FBXO48: variants seen among roughly 807,000 people sequenced by gnomAD.
FBXO48 encodes the protein F-box only protein 48.
In FBXO48, 12 loss-of-function variants were observed where a neutral mutation model predicts 14.3. That is an observed-to-expected ratio of 0.84 (90% CI 0.54 to 1.36). The LOEUF (loss-of-function observed/expected upper bound fraction) is 1.36. Among genes scored for constraint, FBXO48 ranks in the 40% most tolerant of loss-of-function variants. FBXO48 has a pLI of 0.00. For missense variants in FBXO48, 177 were observed against 179.1 expected (o/e 0.99, Z 0.07); for synonymous variants, 53 against 61.7 (o/e 0.86, Z 0.66).
chr2:68,465,285 C>T, intron 2 of FBXO48, 107 bp from the exon 3 acceptor site: 2 of 643,212 alleles, frequency 3.1e-6, no homozygotes, highest in Non-Finnish European at 5.3e-6. Flanking sequence ...TTGACTTTAG[C>T]TTCTCAATCT....
chr2:68,464,562 G>A (rs1338978939), intron 3 of FBXO48, among the ~76,000 whole-genome samples, 192 bp from the exon 4 acceptor site: 1 of 152,150 alleles, frequency 6.6e-6, no homozygotes, highest in African/African-American at 2.4e-5. Flanking sequence ...GTGGCATAAG[G>A]TGAAGTGGAA....
intron 3 of FBXO48, 118 bp from the exon 4 acceptor site, chr2:68,464,488 T>C (rs548350318): frequency 8.8e-6 from 7 of 797,230 alleles, no homozygotes; most frequent in Non-Finnish European, 1.4e-5. Flanking sequence ...CATTTATATA[T>C]ACGTACATTA....
At position 68,461,665 on chromosome 2, in the gene FBXO48, C is replaced by T. The variant is rs562096590; in HGVS notation, c.*2544G>A. ...AGAGGAAAGGGCTTCTTTCTTCCAA[C>T]TTATGAAAAGGGGGGATTGGGTCAT... On this transcript the variant is annotated 3_prime_UTR_variant, in exon 4 of 4. Transcript: ENST00000377957. The T allele has an allele frequency of 3.3e-5, 5 of 151,412 alleles. No homozygotes were observed. The highest frequency in any genetic ancestry group is 1.2e-4 in the African/African-American group (5 of 41,254). 9.4% of individuals were successfully genotyped at this position (151,412 alleles called of 1,614,324 possible). A position where few individuals can be genotyped will look rare whatever the true frequency, so the allele number is the denominator to read the frequency against.
In FBXO48 at chr2:68,464,366, A is replaced by G. The variant is rs777430196; in HGVS notation, c.311T>C (p.Ile104Thr). ...ACTCTTCTGGTAATTCCTCAGCAGT[A>G]TCACCTGAAAGAGGTAAATCACCGT... Reference protein sequence around the residue: ...DLESGYSWRVILLRNYQKSKV... With the variant: ...DLESGYSWRVTLLRNYQKSKV... The change falls in exon 4 of 4, where the codon ATA (isoleucine) becomes ACA (threonine). Residue 104 changes from isoleucine to threonine, a missense_variant. Coordinates refer to ENST00000377957, the MANE Select transcript of FBXO48 (RefSeq NM_001024680.3). 2 of 1,613,620 alleles carry G rather than the reference A, an allele frequency of 1.2e-6. No homozygotes were observed. Among genetic ancestry groups the G allele is most frequent in the East Asian group, 4.5e-5 (2 of 44,844 alleles).
intron 1 of FBXO48, among the ~76,000 whole-genome samples, 154 bp downstream of exon 1, chr2:68,467,057 C>G (rs1250649936): frequency 6.6e-6 from 1 of 152,146 alleles, no homozygotes; most frequent in Non-Finnish European, 1.5e-5. Context: ...TGCTGGAACC[C>G]AAGAACACAG....
Position 68,460,982 on chromosome 2 carries a change from C to T in FBXO48, c.*3227G>A, listed in dbSNP as rs1675247167. On this transcript the variant is annotated 3_prime_UTR_variant, in exon 4 of 4. Transcript: ENST00000377957. ...ATTAAGTCACTTGTAATTTGGATAC[C>T]AACAGTTTCAACCATATGGAGTGAT... 6.6e-6 allele frequency: 1 copy of T among 152,008 alleles called. No homozygotes were observed. Among genetic ancestry groups the T allele is most frequent in the Non-Finnish European group, 1.5e-5 (1 of 68,022 alleles). 9.4% of individuals were successfully genotyped at this position (152,008 alleles called of 1,614,324 possible). A position where few individuals can be genotyped will look rare whatever the true frequency, so the allele number is the denominator to read the frequency against.
Position 68,464,328 on chromosome 2 carries a change from C to A in FBXO48, c.349G>T (p.Glu117Ter). 3.7e-6 allele frequency: 6 copies of A among 1,613,698 alleles called. No homozygotes were observed. The highest frequency in any genetic ancestry group is 5.1e-6 in the Non-Finnish European group (6 of 1,179,922). The stretch of plus-strand genomic sequence containing the variant: ...TTGCTGTATCTGCCACTTAGCCATT[C>A]GTGTTTCACTTTACTCTTCTGGTAA... ...RNYQKSKVKH[E>*]WLSGRYSNIC... The change falls in exon 4 of 4, where the codon GAA becomes TAA. Residue 117 changes from glutamate to a stop codon, truncating the protein, a stop_gained. Coordinates refer to ENST00000377957, the MANE Select transcript of FBXO48 (RefSeq NM_001024680.3). LOFTEE classifies it high-confidence loss of function.
Position 68,460,536 on chromosome 2 carries a change from T to TTATA in FBXO48, c.*3669_*3672dup, listed in dbSNP as rs61136506. The TTATA allele has an allele frequency of 7.0e-4, 103 of 146,522 alleles. 1 individual carries two copies. Among genetic ancestry groups the TTATA allele is most frequent in the Non-Finnish European group, 1.1e-3 (73 of 66,722 alleles). 9.1% of individuals were successfully genotyped at this position (146,522 alleles called of 1,614,324 possible). A position where few individuals can be genotyped will look rare whatever the true frequency, so the allele number is the denominator to read the frequency against. Reference sequence around the variant, plus strand: ...ACTATCTTTGGATATATCAAATATTTTATATATATATATATATACTTATAC... The same window carrying TTATA: ...ACTATCTTTGGATATATCAAATATTTTATATATATATATATATATATACTTATAC... On this transcript the variant is annotated 3_prime_UTR_variant, in exon 4 of 4. Transcript: ENST00000377957.
intron 1 of FBXO48, among the ~76,000 whole-genome samples, chr2:68,466,987 G>A (rs1675435104): frequency 2.0e-5 from 3 of 152,106 alleles, no homozygotes; most frequent in Admixed American, 1.3e-4. Context: ...CCGCGGGTCA[G>A]GGCTAATCAC....
In FBXO48 at chr2:68,467,211, T is replaced by C. The variant is rs574556306; in HGVS notation, c.-361A>G. On this transcript the variant is annotated splice_region_variant and 5_prime_UTR_variant, in exon 1 of 4. Transcript: ENST00000377957. The stretch of plus-strand genomic sequence containing the variant: ...GGGAACGGAAGACCCTTCTACCTAC[T>C]AGGCCGCGGTAGCTTCTCCTCCCGC... 1 of 152,356 alleles carries C rather than the reference T, an allele frequency of 6.6e-6. No individual in the cohort carries two copies. Among genetic ancestry groups the C allele is most frequent in the Non-Finnish European group, 1.5e-5 (1 of 68,142 alleles). The allele number at this position is 152,356 out of a possible 1,614,324, so 9.4% of individuals were successfully genotyped here.
In FBXO48 at chr2:68,464,207, C is replaced by A; in HGVS notation, c.*2G>T. On this transcript the variant is annotated 3_prime_UTR_variant, in exon 4 of 4. Coordinates refer to ENST00000377957, the MANE Select transcript of FBXO48 (RefSeq NM_001024680.3). ...ACCTGAGATTTGTGATTTTTTTTCC[C>A]CTTATCTTTCCAGTTCTGCTTCTAG... The A allele has an allele frequency of 6.2e-7, 1 of 1,610,810 alleles. No homozygotes were observed. The highest frequency in any genetic ancestry group is 8.5e-7 in the Non-Finnish European group (1 of 1,178,402).
At chr2:68,466,712 T>C (rs1432708701) in intron 1 of FBXO48, among the ~76,000 whole-genome samples, 2 of 152,156 alleles carry the variant, frequency 1.3e-5, no homozygotes, top group Non-Finnish European at 2.9e-5. Context: ...GGAATTCCTG[T>C]AACGGGAATG....
In FBXO48 at chr2:68,460,382, C is replaced by CAGA. The variant is rs747187188; in HGVS notation, c.*3826_*3827insTCT. 3 of 151,960 alleles carry CAGA rather than the reference C, an allele frequency of 2.0e-5. No homozygotes were observed. The highest frequency in any genetic ancestry group is 6.6e-5 in the Admixed American group (1 of 15,250). The allele number at this position is 151,960 out of a possible 1,614,324, so 9.4% of individuals were successfully genotyped here. A position where few individuals can be genotyped will look rare whatever the true frequency, so the allele number is the denominator to read the frequency against. ...TCAAGTAAGAATTGACTCGGCTGGA[C>CAGA]TTGGAGAATGATGGAGAAAAGTAAA... is the stretch of plus-strand genomic sequence containing the variant. On this transcript the variant is annotated 3_prime_UTR_variant, in exon 4 of 4. Coordinates refer to ENST00000377957, the MANE Select transcript of FBXO48 (RefSeq NM_001024680.3).
In FBXO48 at chr2:68,466,147, AGGTGAAT is replaced by A. The variant is rs1675405961; in HGVS notation, c.-44_-38del. On this transcript the variant is annotated 5_prime_UTR_variant, in exon 2 of 4. An upstream open reading frame in the 5' UTR loses its in-frame stop. Coordinates refer to ENST00000377957, the MANE Select transcript of FBXO48 (RefSeq NM_001024680.3). ...AGCTCAGTTTCAGCTAATTTACCTA[AGGTGAAT>A]GGTGTAGGCTTCCCAAATCAGTTGA... 6.6e-6 allele frequency: 1 copy of A among 152,242 alleles called. No homozygotes were observed. Among genetic ancestry groups the A allele is most frequent in the African/African-American group, 2.4e-5 (1 of 41,456 alleles). The allele number at this position is 152,242 out of a possible 1,614,324, so 9.4% of individuals were successfully genotyped here.
In FBXO48 at chr2:68,461,906, G is replaced by A. The variant is rs112208074; in HGVS notation, c.*2303C>T. The A allele has an allele frequency of 7.8e-3, 1,181 of 152,048 alleles. 16 individuals are homozygous for A. The highest frequency in any genetic ancestry group is 0.027 in the African/African-American group (1,125 of 41,430). 9.4% of individuals were successfully genotyped at this position (152,048 alleles called of 1,614,324 possible). On this transcript the variant is annotated 3_prime_UTR_variant, in exon 4 of 4. Coordinates refer to ENST00000377957, the MANE Select transcript of FBXO48 (RefSeq NM_001024680.3). ...CAAAAATTAGCTGGGCATGGTGGCG[G>A]GCGCCTATAATCCTGGCTGCTCGGG...
chr2:68,465,310 T>C (rs896635058), intron 2 of FBXO48, 132 bp from the exon 3 acceptor site: 1 of 600,748 alleles, frequency 1.7e-6, no homozygotes, highest in Non-Finnish European at 2.9e-6. Flanking sequence ...AATGGGCCAA[T>C]GCTGCCGCTC....
intron 3 of FBXO48, 132 bp from the exon 4 acceptor site, chr2:68,464,502 AATGT>A (rs1675347918): frequency 2.7e-6 from 2 of 737,472 alleles, no homozygotes; most frequent in Non-Finnish European, 4.5e-6. Flanking sequence ...TACATTAATA[AATGT>A]ATGTGTCTGT....
Position 68,459,810 on chromosome 2 carries a change from A to G in FBXO48, c.*4399T>C, listed in dbSNP as rs1019700216. 3 of 152,204 alleles carry G rather than the reference A, an allele frequency of 2.0e-5. No homozygotes were observed. The highest frequency in any genetic ancestry group is 3.8e-4 in the East Asian group (2 of 5,204). The allele number at this position is 152,204 out of a possible 1,614,324, so 9.4% of individuals were successfully genotyped here. ...AAAATAGACAATTTAATGTCATATGACAGTTTTGAGAGAGGTCTATACAAA... is the reference window on the plus strand; with the variant it reads ...AAAATAGACAATTTAATGTCATATGGCAGTTTTGAGAGAGGTCTATACAAA... On this transcript the variant is annotated 3_prime_UTR_variant, in exon 4 of 4. Transcript: ENST00000377957.
In FBXO48 at chr2:68,460,374, C is replaced by T. The variant is rs918310910; in HGVS notation, c.*3835G>A. 1.3e-5 allele frequency: 2 copies of T among 151,936 alleles called. No individual in the cohort carries two copies. The highest frequency in any genetic ancestry group is 2.9e-5 in the Non-Finnish European group (2 of 68,000). The allele number at this position is 151,936 out of a possible 1,614,324, so 9.4% of individuals were successfully genotyped here. On this transcript the variant is annotated 3_prime_UTR_variant, in exon 4 of 4. Coordinates refer to ENST00000377957, the MANE Select transcript of FBXO48 (RefSeq NM_001024680.3). The stretch of plus-strand genomic sequence containing the variant: ...TGATAAAATCAAGTAAGAATTGACT[C>T]GGCTGGACTTGGAGAATGATGGAGA...
Sources: gnomAD v4.1 joint callset for allele counts (sites outside exome capture counted in the v4.1 genomes callset) on GRCh38, gnomAD v4.1.1 for gene constraint, MANE v1.5 for transcripts, NCBI Gene and HGNC (gene_info 2026-07-23, HGNC 2026-07-21) for gene names.